The following CNTNAP5 variants were observed in gnomAD, a reference collection of about 807,000 sequenced individuals.
The protein encoded by CNTNAP5 is contactin associated protein family member 5.
CNTNAP5 carries 72 observed loss-of-function variants against 150.2 expected under a neutral mutation model. The ratio of observed to expected loss-of-function variants is 0.48; its 90% CI spans 0.40 to 0.58. The LOEUF (loss-of-function observed/expected upper bound fraction) is 0.58, where lower values mean the gene tolerates loss of function less well. Ranked by LOEUF, CNTNAP5 falls within the 20% of genes least tolerant of loss-of-function variation. The probability of loss-of-function intolerance (pLI) is 0.00; values close to 1 mark genes in which losing one functional copy is unlikely to be tolerated. For missense variants in CNTNAP5, 1,636 were observed against 1,626.2 expected (o/e 1.01, Z -0.10); for synonymous variants, 672 against 619.8 (o/e 1.08, Z -1.25).
At chr2:124,810,721 A>G (rs940193752) in intron 19 of CNTNAP5, among the ~76,000 whole-genome samples, 4 of 152,184 alleles carry the variant, frequency 2.6e-5, no homozygotes, top group African/African-American at 7.2e-5. Context: ...GATAGCAGCT[A>G]TGCAGAAGGC....
At chr2:124,297,780 C>A (rs1409811646) in intron 3 of CNTNAP5, among the ~76,000 whole-genome samples, 1 of 150,288 alleles carries the variant, frequency 6.7e-6, no homozygotes, top group Non-Finnish European at 1.5e-5. Flanking sequence ...CATCGGAGAA[C>A]TACTAAGCCA....
chr2:124,473,101 G>C (rs1693556434), intron 6 of CNTNAP5, among the ~76,000 whole-genome samples: 1 of 151,848 alleles, frequency 6.6e-6, no homozygotes, highest in Non-Finnish European at 1.5e-5. Context: ...AATGTTTAAT[G>C]AATTAAAACA....
intron 3 of CNTNAP5, among the ~76,000 whole-genome samples, chr2:124,339,949 A>G (rs1689569362): frequency 6.6e-6 from 1 of 151,482 alleles, no homozygotes. Context: ...AAACATCTTA[A>G]AAAAAAAACT....
At chr2:124,717,998 A>C (rs76040855) in intron 13 of CNTNAP5, among the ~76,000 whole-genome samples, 6,578 of 152,240 alleles carry the variant, frequency 0.043, 504 homozygotes, top group African/African-American at 0.15. Context: ...GTTTTATTGT[A>C]AGTTTATTCA....
chr2:124,483,280 G>A lies in CNTNAP5; in HGVS notation c.1062+8398G>A, dbSNP rs35160066. ...AGTTGCTACATTGTAGGGAGGCCTAGAGAGCACTGGAAGACAGGCAGGCAA... is the reference window on the plus strand; with the variant it reads ...AGTTGCTACATTGTAGGGAGGCCTAAAGAGCACTGGAAGACAGGCAGGCAA... On this transcript the variant is annotated intron_variant, in intron 7 of 23. Transcript: ENST00000682447. 4.3e-3 allele frequency among the ~76,000 whole-genome samples: 656 copies of A among 152,304 alleles called. 2 individuals carry two copies. The highest frequency in any genetic ancestry group is 7.1e-3 in the Non-Finnish European group (482 of 68,012).
At chr2:124,172,297 A>T (rs546898658) in intron 1 of CNTNAP5, among the ~76,000 whole-genome samples, 1 of 152,330 alleles carries the variant, frequency 6.6e-6, no homozygotes, top group South Asian at 2.1e-4. Flanking sequence ...TAAAAGTGAG[A>T]CGTGCTCAGT....
chr2:124,242,146 A>G, intron 2 of CNTNAP5, 54 bp from the exon 3 acceptor site: 2 of 1,372,120 alleles, frequency 1.5e-6, no homozygotes, highest in Non-Finnish European at 1.0e-6. Context: ...TGAAAATTGT[A>G]GCTATGTGAG....
At chr2:124,419,950 T>TTC (rs1692049136) in intron 4 of CNTNAP5, among the ~76,000 whole-genome samples, 1 of 117,964 alleles carries the variant, frequency 8.5e-6, no homozygotes, top group East Asian at 2.3e-4. Flanking sequence ...CTTTCTTTCT[T>TTC]TCTTTCCTTT....
At chr2:124,408,586 G>A (rs559111755) in intron 3 of CNTNAP5, among the ~76,000 whole-genome samples, 128 of 152,024 alleles carry the variant, frequency 8.4e-4, no homozygotes, top group African/African-American at 2.8e-3. Flanking sequence ...CCTGACCCCC[G>A]AGCAGCCTAA....
chr2:124,476,096 T>C (rs925618861), intron 7 of CNTNAP5, among the ~76,000 whole-genome samples: 2 of 152,098 alleles, frequency 1.3e-5, no homozygotes, highest in African/African-American at 4.8e-5. Context: ...GGTTTACTGG[T>C]TTAATCATTT....
intron 8 of CNTNAP5, among the ~76,000 whole-genome samples, chr2:124,510,305 A>ATCTATATATC (rs55913869): frequency 1.0e-5 from 1 of 96,292 alleles, no homozygotes; most frequent in African/African-American, 4.6e-5. Flanking sequence ...ATATATCTAT[A>ATCTATATATC]TATATATCTA....
At chr2:124,388,369 C>A (rs1690988556) in intron 3 of CNTNAP5, among the ~76,000 whole-genome samples, 1 of 152,176 alleles carries the variant, frequency 6.6e-6, no homozygotes, top group African/African-American at 2.4e-5. Flanking sequence ...ACTGCTGATG[C>A]CACTCCAGAA....
chr2:124,264,375 CACACACACACACAT>C (rs1359110698), intron 3 of CNTNAP5, among the ~76,000 whole-genome samples: 143 of 38,708 alleles, frequency 3.7e-3, no homozygotes, highest in Admixed American at 0.037. Flanking sequence ...CACACACAGG[CACACACACACACAT>C]ACACACACAC....
At chr2:124,502,841 G>A (rs1694308110) in intron 7 of CNTNAP5, among the ~76,000 whole-genome samples, 1 of 152,154 alleles carries the variant, frequency 6.6e-6, no homozygotes, top group African/African-American at 2.4e-5. Flanking sequence ...GTGGCTAAAA[G>A]CAAAAGCCTC....
intron 14 of CNTNAP5, among the ~76,000 whole-genome samples, chr2:124,762,475 G>A (rs1391036631): frequency 2.0e-5 from 3 of 152,008 alleles, no homozygotes; most frequent in Non-Finnish European, 2.9e-5. Context: ...AGTAGTTCAG[G>A]AACAAAGATT....
chr2:124,887,474 A>G (rs896907676), intron 21 of CNTNAP5, among the ~76,000 whole-genome samples: 5 of 152,094 alleles, frequency 3.3e-5, no homozygotes, highest in African/African-American at 9.7e-5. Flanking sequence ...GTGGGATTCT[A>G]GGCCTCAGTT....
At chr2:124,592,232 A>G (rs915439009) in intron 11 of CNTNAP5, among the ~76,000 whole-genome samples, 1 of 152,106 alleles carries the variant, frequency 6.6e-6, no homozygotes, top group African/African-American at 2.4e-5. Context: ...CTTGGAGCAG[A>G]TCACTAGACA....
intron 3 of CNTNAP5, among the ~76,000 whole-genome samples, chr2:124,365,240 T>G (rs1452291600): frequency 2.7e-5 from 4 of 150,640 alleles, no homozygotes; most frequent in Non-Finnish European, 5.9e-5. Flanking sequence ...CGCTTGAGCC[T>G]AGCAGGTTAA....
intron 21 of CNTNAP5, among the ~76,000 whole-genome samples, chr2:124,875,429 C>T (rs759206640): frequency 6.6e-6 from 1 of 151,998 alleles, no homozygotes; most frequent in East Asian, 1.9e-4. Flanking sequence ...AGATGCTCAG[C>T]TTTTTGGAGA....
Sources: gnomAD v4.1 joint callset for allele counts (sites outside exome capture counted in the v4.1 genomes callset) on GRCh38, gnomAD v4.1.1 for gene constraint, MANE v1.5 for transcripts, NCBI Gene and HGNC (gene_info 2026-07-23, HGNC 2026-07-21) for gene names.